The following ABAT variants were observed in gnomAD, a reference collection of about 807,000 sequenced individuals.
ABAT encodes 4-aminobutyrate aminotransferase, mitochondrial.
ABAT carries 45 observed loss-of-function variants against 64.6 expected under a neutral mutation model. That is an observed-to-expected ratio of 0.70 (90% CI 0.55 to 0.89). The LOEUF (loss-of-function observed/expected upper bound fraction) is 0.89, where lower values mean the gene tolerates loss of function less well. Ranked by LOEUF, ABAT falls within the 40% of genes least tolerant of loss-of-function variation. The pLI is 0.00. For synonymous variants in ABAT, 297 were observed against 250.5 expected, an observed-to-expected ratio of 1.19 and a Z score of -1.75; for missense variants, 633 against 658.4, an observed-to-expected ratio of 0.96 and a Z score of 0.42.
At chr16:8,725,402 GATTT>G (rs776837491) in intron 1 of ABAT, among the ~76,000 whole-genome samples, 76 of 152,114 alleles carry the variant, frequency 5.0e-4, no homozygotes, top group Admixed American at 7.9e-4. Flanking sequence ...GCCAACCCCT[GATTT>G]ATTTTCTGTC....
chr16:8,750,766 G>T (rs1309565608), intron 5 of ABAT, among the ~76,000 whole-genome samples: 5 of 152,146 alleles, frequency 3.3e-5, no homozygotes, highest in Non-Finnish European at 5.9e-5. Flanking sequence ...GGGTAAGTAT[G>T]TATTAATATC....
intron 8 of ABAT, 158 bp from the exon 9 acceptor site, chr16:8,766,050 C>G (rs895480588): frequency 7.2e-6 from 5 of 690,626 alleles, no homozygotes; most frequent in Non-Finnish European, 1.3e-5. Flanking sequence ...AGTTGGTAGC[C>G]TCACGTTTCA....
intron 2 of ABAT, among the ~76,000 whole-genome samples, chr16:8,744,844 A>G (rs538367478): frequency 1.3e-5 from 2 of 152,138 alleles, no homozygotes; most frequent in African/African-American, 4.8e-5. Context: ...TGCTAATACC[A>G]TGGGCATCTT....
At chr16:8,769,575 A>AG (rs1350157040) in intron 11 of ABAT, among the ~76,000 whole-genome samples, 12 of 149,874 alleles carry the variant, frequency 8.0e-5, no homozygotes, top group African/African-American at 2.5e-4. Flanking sequence ...AAAAAAAAAA[A>AG]AAAAGAGAGA....
chr16:8,757,494 G>A (rs1009219111), intron 5 of ABAT, among the ~76,000 whole-genome samples: 5 of 152,114 alleles, frequency 3.3e-5, no homozygotes, highest in African/African-American at 1.2e-4. Context: ...TGTTTATGTA[G>A]TCCAGTAGGT....
chr16:8,679,622 A>G (rs775377798), intron 1 of ABAT, among the ~76,000 whole-genome samples: 6 of 150,918 alleles, frequency 4.0e-5, no homozygotes, highest in Admixed American at 2.0e-4. Flanking sequence ...TCCGACCCCC[A>G]GTACTTAGTA....
chr16:8,724,731 GAAAAAAAAAAAAAACAA>G lies in ABAT; in HGVS notation c.-41-10953_-41-10937del, dbSNP rs1555487148. Among the ~76,000 whole-genome samples the G allele has an allele frequency of 3.0e-3, 221 of 73,170 alleles. 5 individuals are homozygous for G. Among genetic ancestry groups the G allele is most frequent in the South Asian group, 0.015 (28 of 1,834 alleles). 48.0% of individuals were successfully genotyped at this position (73,170 alleles called of 152,430 possible). A position where few individuals can be genotyped will look rare whatever the true frequency, so the allele number is the denominator to read the frequency against. On this transcript the variant is annotated intron_variant, in intron 1 of 15. Transcript: ENST00000268251. ...GCAATAGAGCCAGACCTTGTCTCAG[GAAAAAAAAAAAAAACAA>G]AAAAAAAAAAAAAAAAAAAAACAAT...
At chr16:8,766,629 T>C (rs1596466052) in intron 9 of ABAT, among the ~76,000 whole-genome samples, 1 of 151,448 alleles carries the variant, frequency 6.6e-6, no homozygotes, top group East Asian at 2.0e-4. Context: ...CACTCCAGCC[T>C]GGGTGACAGA....
At chr16:8,703,179 G>T (rs971991242) in intron 1 of ABAT, among the ~76,000 whole-genome samples, 3 of 152,104 alleles carry the variant, frequency 2.0e-5, no homozygotes, top group Admixed American at 1.3e-4. Context: ...GGGTGCAGTG[G>T]CTCACACCTG....
At chr16:8,752,938 G>C (rs895823009) in intron 5 of ABAT, among the ~76,000 whole-genome samples, 1 of 151,970 alleles carries the variant, frequency 6.6e-6, no homozygotes, top group Non-Finnish European at 1.5e-5. Context: ...TCATTAAATG[G>C]CTACAGCCAC....
chr16:8,778,787 A>AC (rs1567319074), intron 14 of ABAT, among the ~76,000 whole-genome samples: 1 of 151,774 alleles, frequency 6.6e-6, no homozygotes, highest in Non-Finnish European at 1.5e-5. Flanking sequence ...AAAAAAAAAA[A>AC]ACAAAAAACA....
intron 1 of ABAT, among the ~76,000 whole-genome samples, chr16:8,683,706 G>T (rs28430948): frequency 0.59 from 88,907 of 151,742 alleles, 26,417 homozygotes; most frequent in East Asian, 0.77. Context: ...GCAAGAACAA[G>T]AACTTAAGTT....
intron 1 of ABAT, among the ~76,000 whole-genome samples, chr16:8,725,517 A>G (rs2058524608): frequency 6.6e-6 from 1 of 152,192 alleles, no homozygotes; most frequent in African/African-American, 2.4e-5. Context: ...AAATATTTTG[A>G]GATTTATCCA....
At chr16:8,702,224 C>G (rs2057839097) in intron 1 of ABAT, among the ~76,000 whole-genome samples, 1 of 150,730 alleles carries the variant, frequency 6.6e-6, no homozygotes, top group African/African-American at 2.4e-5. Flanking sequence ...TCTTACATGG[C>G]CAGAGCAGGA....
intron 1 of ABAT, among the ~76,000 whole-genome samples, chr16:8,693,718 C>G (rs1371072787): frequency 1.3e-5 from 2 of 152,228 alleles, no homozygotes; most frequent in African/African-American, 4.8e-5. Flanking sequence ...ATCTGCCTGC[C>G]TCAGCTTCCC....
chr16:8,763,243 T>C (rs1266482378), intron 6 of ABAT, among the ~76,000 whole-genome samples: 1 of 152,172 alleles, frequency 6.6e-6, no homozygotes, highest in Non-Finnish European at 1.5e-5. Context: ...ATCCGAGTTG[T>C]GGTTCTGCCC....
chr16:8,703,284 G>A (rs540647485), intron 1 of ABAT, among the ~76,000 whole-genome samples: 11 of 152,068 alleles, frequency 7.2e-5, no homozygotes, highest in African/African-American at 2.7e-4. Context: ...GCGAAACCCC[G>A]TCTCTACTAA....
intron 15 of ABAT, among the ~76,000 whole-genome samples, chr16:8,780,228 C>T (rs1285137239): frequency 6.6e-6 from 1 of 151,966 alleles, no homozygotes; most frequent in African/African-American, 2.4e-5. Flanking sequence ...AGGCCAGGCC[C>T]GGGTCGCATG....
At chr16:8,727,875 C>T (rs571050551) in intron 1 of ABAT, among the ~76,000 whole-genome samples, 155 of 152,234 alleles carry the variant, frequency 1.0e-3, no homozygotes, top group Non-Finnish European at 1.7e-3. Context: ...TTGAGACCAG[C>T]CTGGGCAAAA....
Sources: gnomAD v4.1 joint callset for allele counts (sites outside exome capture counted in the v4.1 genomes callset) on GRCh38, gnomAD v4.1.1 for gene constraint, MANE v1.5 for transcripts, NCBI Gene and HGNC (gene_info 2026-07-23, HGNC 2026-07-21) for gene names.